Variants in RABGAP1L observed in about 807,000 individuals in gnomAD.
The protein encoded by RABGAP1L is rab GTPase-activating protein 1-like.
In RABGAP1L, 63 loss-of-function variants were observed where a neutral mutation model predicts 137.7. That is an observed-to-expected ratio of 0.46 (90% CI 0.37 to 0.56). RABGAP1L has a LOEUF of 0.56. Among genes scored for constraint, RABGAP1L ranks in the 20% least tolerant of loss-of-function variants. The pLI, the probability that RABGAP1L is intolerant of heterozygous loss-of-function variation, is 0.00. For missense variants in RABGAP1L, 1,095 were observed against 1,244.0 expected, an observed-to-expected ratio of 0.88 and a Z score of 1.80; for synonymous variants, 431 against 433.7, an observed-to-expected ratio of 0.99 and a Z score of 0.08.
intron 13 of RABGAP1L, among the ~76,000 whole-genome samples, chr1:174,615,335 G>T (rs1394642864): frequency 2.6e-5 from 4 of 152,166 alleles, no homozygotes; most frequent in African/African-American, 9.7e-5. Context: ...TTTGCTGGAT[G>T]TCCACTCCAG....
intron 19 of RABGAP1L, among the ~76,000 whole-genome samples, chr1:174,894,949 A>G (rs1278327003): frequency 6.6e-6 from 1 of 151,846 alleles, no homozygotes; most frequent in Non-Finnish European, 1.5e-5. Context: ...TAGAGACGAG[A>G]TTTCACCATG....
rs376149908 is a variant in RABGAP1L at position 174,622,615 on chromosome 1, A to C, written c.1711-14760A>C. On this transcript the variant is annotated intron_variant, in intron 13 of 25. Coordinates refer to ENST00000681986, the MANE Select transcript of RABGAP1L (RefSeq NM_001366446.1). The stretch of plus-strand genomic sequence containing the variant: ...AAACTGTCACAAGGACAGAAAACCA[A>C]ACACCGCATGTTCTCACTCATAGGT... 5.2e-3 allele frequency among the ~76,000 whole-genome samples: 795 copies of C among 152,282 alleles called. 3 individuals carry two copies. Among genetic ancestry groups the C allele is most frequent in the Middle Eastern group, 0.017 (5 of 294 alleles).
At chr1:174,822,398 G>C (rs886648175) in intron 19 of RABGAP1L, among the ~76,000 whole-genome samples, 1 of 152,218 alleles carries the variant, frequency 6.6e-6, no homozygotes, top group Non-Finnish European at 1.5e-5. Flanking sequence ...TATTCCCAGT[G>C]AGCAGGGAAC....
Position 174,991,897 on chromosome 1 carries a change from G to A in RABGAP1L, c.*1896G>A, listed in dbSNP as rs1193258092. The A allele has an allele frequency of 6.6e-6, 1 of 151,718 alleles. No individual in the cohort carries two copies. Among genetic ancestry groups the A allele is most frequent in the Non-Finnish European group, 1.5e-5 (1 of 67,990 alleles). The allele number at this position is 151,718 out of a possible 1,614,324, so 9.4% of individuals were successfully genotyped here. A position where few individuals can be genotyped will look rare whatever the true frequency, so the allele number is the denominator to read the frequency against. The stretch of plus-strand genomic sequence containing the variant: ...GTACTTTACGCTTTGATTCCAAGAA[G>A]CCTTGTGCAGTTGCCTTATCAAATG... On this transcript the variant is annotated 3_prime_UTR_variant, in exon 26 of 26. Transcript: ENST00000681986.
intron 19 of RABGAP1L, among the ~76,000 whole-genome samples, chr1:174,835,187 A>C (rs941499265): frequency 1.3e-5 from 2 of 152,198 alleles, no homozygotes; most frequent in Non-Finnish European, 2.9e-5. Flanking sequence ...CTTGTCCAAA[A>C]GTCTTTTTTT....
intron 13 of RABGAP1L, among the ~76,000 whole-genome samples, chr1:174,604,091 C>T (rs1670607170): frequency 6.6e-6 from 1 of 151,912 alleles, no homozygotes; most frequent in African/African-American, 2.4e-5. Context: ...TGTCCTCTGG[C>T]TCAGGGTCCA....
chr1:174,277,481 T>C (rs1675100910), intron 9 of RABGAP1L, among the ~76,000 whole-genome samples: 1 of 151,466 alleles, frequency 6.6e-6, no homozygotes, highest in African/African-American at 2.4e-5. Context: ...ATATATTTGG[T>C]CCACAAAAGA....
At chr1:174,934,136 T>G (rs1315164692) in intron 19 of RABGAP1L, among the ~76,000 whole-genome samples, 1 of 152,158 alleles carries the variant, frequency 6.6e-6, no homozygotes, top group East Asian at 1.9e-4. Flanking sequence ...TTGCCCAGGC[T>G]GGAGTACAAT....
In RABGAP1L at chr1:174,583,861, T is replaced by C. The variant is rs544056350; in HGVS notation, c.1711-53514T>C. ...TGATTGGTATAGATAATATCTAATC[T>C]TAAAACAATTTTGAAAATTAGAATT... is the stretch of plus-strand genomic sequence containing the variant. On this transcript the variant is annotated intron_variant, in intron 13 of 25. Transcript: ENST00000681986. 5.2e-4 allele frequency among the ~76,000 whole-genome samples: 79 copies of C among 152,342 alleles called. 1 individual carries two copies. The highest frequency in any genetic ancestry group is 4.1e-3 in the Admixed American group (63 of 15,304).
intron 11 of RABGAP1L, among the ~76,000 whole-genome samples, chr1:174,362,143 A>G (rs191496232): frequency 1.3e-5 from 2 of 152,140 alleles, no homozygotes; most frequent in Admixed American, 1.3e-4. Flanking sequence ...ATATTATTCC[A>G]TTGTGTGTAT....
At chr1:174,734,701 C>T (rs993966911) in intron 17 of RABGAP1L, among the ~76,000 whole-genome samples, 2 of 152,158 alleles carry the variant, frequency 1.3e-5, no homozygotes, top group African/African-American at 4.8e-5. Flanking sequence ...TCCACTGGGA[C>T]CATGTGCCAG....
At chr1:174,916,663 C>A (rs1329845417) in intron 19 of RABGAP1L, among the ~76,000 whole-genome samples, 1 of 152,120 alleles carries the variant, frequency 6.6e-6, no homozygotes, top group Non-Finnish European at 1.5e-5. Flanking sequence ...GTGGTGGCTG[C>A]GTTGAAGTCA....
At chr1:174,815,253 A>G (rs1370489196) in intron 19 of RABGAP1L, among the ~76,000 whole-genome samples, 1 of 152,228 alleles carries the variant, frequency 6.6e-6, no homozygotes, top group Non-Finnish European at 1.5e-5. Flanking sequence ...TCATGCCATC[A>G]TTACAGCAGC....
chr1:174,400,043 C>A (rs1648369949), intron 13 of RABGAP1L, among the ~76,000 whole-genome samples: 2 of 152,100 alleles, frequency 1.3e-5, no homozygotes, highest in African/African-American at 2.4e-5. Context: ...AGAATTTGAA[C>A]CCACAAATCA....
chr1:174,789,789 G>T (rs181349513), intron 18 of RABGAP1L, among the ~76,000 whole-genome samples: 15 of 152,298 alleles, frequency 9.8e-5, no homozygotes. Flanking sequence ...AATAGAAGAA[G>T]CTGAGACAAG....
chr1:174,923,656 TG>T (rs1323268455), intron 19 of RABGAP1L, among the ~76,000 whole-genome samples: 1 of 150,860 alleles, frequency 6.6e-6, no homozygotes, highest in Admixed American at 6.6e-5. Flanking sequence ...CCCAGGCGGG[TG>T]GATCACTTGA....
chr1:174,703,205 T>C (rs1007265853), intron 17 of RABGAP1L, among the ~76,000 whole-genome samples: 3 of 152,196 alleles, frequency 2.0e-5, no homozygotes, highest in Admixed American at 1.3e-4. Flanking sequence ...GGGCTTTTAG[T>C]GTAACCATCA....
intron 19 of RABGAP1L, among the ~76,000 whole-genome samples, chr1:174,882,574 T>G (rs555998183): frequency 1.3e-5 from 2 of 152,326 alleles, no homozygotes; most frequent in South Asian, 4.1e-4. Flanking sequence ...TAAATTGAAT[T>G]CAGAAATCTC....
chr1:174,930,898 T>C (rs1162775748), intron 19 of RABGAP1L, among the ~76,000 whole-genome samples: 1 of 152,206 alleles, frequency 6.6e-6, no homozygotes, highest in East Asian at 1.9e-4. Flanking sequence ...AGTGGGTGCA[T>C]TTTTAAAATT....
Sources: allele counts gnomAD v4.1 joint callset (sites outside exome capture counted in the v4.1 genomes callset), GRCh38; gene constraint gnomAD v4.1.1; transcripts MANE v1.5; gene names NCBI Gene and HGNC (gene_info 2026-07-23, HGNC 2026-07-21).